Variants in SYNE2 observed in about 807,000 individuals in gnomAD.
The protein encoded by SYNE2 is nesprin-2.
Under a neutral mutation model 856.3 loss-of-function variants are expected in SYNE2, and 431 were observed. The ratio of observed to expected loss-of-function variants is 0.50; its 90% CI spans 0.47 to 0.55. The LOEUF (loss-of-function observed/expected upper bound fraction) is 0.55. Ranked by LOEUF, SYNE2 falls within the 20% of genes least tolerant of loss-of-function variation. The pLI is 0.00. For synonymous variants in SYNE2, 2,923 were observed against 2,872.3 expected (o/e 1.02, Z -0.56); for missense variants, 8,129 against 8,023.2 (o/e 1.01, Z -0.50).
At position 64,208,483 on chromosome 14, in the gene SYNE2, G is replaced by A. The variant is rs185939247; in HGVS notation, c.18202-275G>A. Among the ~76,000 whole-genome samples, 30 of 152,322 alleles carry A rather than the reference G, an allele frequency of 2.0e-4. No homozygotes were observed. The Middle Eastern group carries it at 0.01, about 52-fold the overall frequency. Reference sequence around the variant, plus strand: ...CAGTAATGGCGCCACCTGTCAGTGCGTAGAGGACACCCATCACCGTGGCAC... The same window carrying A: ...CAGTAATGGCGCCACCTGTCAGTGCATAGAGGACACCCATCACCGTGGCAC... On this transcript the variant is annotated intron_variant, in intron 100 of 115. Coordinates refer to ENST00000555002, the MANE Select transcript of SYNE2 (RefSeq NM_182914.3).
rs184012732 is a variant in SYNE2 at position 63,823,737 on chromosome 14, G to T, written c.-304-28764G>T. Reference sequence around the variant, plus strand: ...TGCAGCCTCAACATACCAGACTCAAGCAATCGTCCCACCTCAGCCTTCCCA... The same window carrying T: ...TGCAGCCTCAACATACCAGACTCAATCAATCGTCCCACCTCAGCCTTCCCA... On this transcript the variant is annotated intron_variant, in intron 1 of 23. Transcript: ENST00000674003. Among the ~76,000 whole-genome samples, 3 of 151,480 alleles carry T rather than the reference G, an allele frequency of 2.0e-5. No homozygotes were observed. In the East Asian group the frequency reaches 5.9e-4, roughly 30 times the overall value.
chr14:64,186,586 C>G lies in SYNE2; in HGVS notation c.17712+7C>G. 6.2e-7 allele frequency: 1 copy of G among 1,614,102 alleles called. No homozygotes were observed. The highest frequency in any genetic ancestry group is 8.5e-7 in the Non-Finnish European group (1 of 1,180,004). On this transcript the variant is annotated splice_region_variant and intron_variant, in intron 97 of 115. Transcript: ENST00000555002. ...GGAGGACCTCTGCTTAAGGGTAAGT[C>G]AGCTCACTGCAGGGCACGGCTGTTT...
At chr14:63,966,825 G>C (rs916101817) in intron 10 of SYNE2, among the ~76,000 whole-genome samples, 2 of 152,088 alleles carry the variant, frequency 1.3e-5, no homozygotes, top group Non-Finnish European at 2.9e-5. Context: ...CTCCCAAATT[G>C]CTAGGATTAC....
At position 64,022,808 on chromosome 14, in the gene SYNE2, G is replaced by A; in HGVS notation, c.5582G>A (p.Cys1861Tyr). 1 of 1,612,316 alleles carries A rather than the reference G, an allele frequency of 6.2e-7. No individual in the cohort carries two copies. Residue 1861 changes from cysteine to tyrosine, a missense_variant, in exon 38 of 116, where the codon TGT (cysteine) becomes TAT (tyrosine). By Grantham distance (194) the Cys-to-Tyr change is radical (BLOSUM62 -2). This residue lies in a region of SYNE2 where 2,422 missense variants were observed against 2,357.4 expected (regional missense o/e 1.03). Transcript: ENST00000555002. Reference protein sequence around the residue: ...FSNIKVNLKECFESSETKKSV... With the variant: ...FSNIKVNLKEYFESSETKKSV... ...AACATTAAAGTGAACCTTAAGGAGT[G>A]TTTTGAATCATCAGAAACAAAAAAG...
At chr14:63,942,331 C>G (rs1362003299) in intron 6 of SYNE2, among the ~76,000 whole-genome samples, 188 bp downstream of exon 6, 2 of 151,992 alleles carry the variant, frequency 1.3e-5, no homozygotes, top group East Asian at 1.9e-4. Flanking sequence ...TTTTTCTCTT[C>G]TTTTTGAGAT....
At chr14:63,815,265 T>G in intron 1 of SYNE2, among the ~76,000 whole-genome samples, 1 of 128,216 alleles carries the variant, frequency 7.8e-6, no homozygotes, top group African/African-American at 2.8e-5. Context: ...TATAAGGGAG[T>G]TTATTAAGGT....
At chr14:64,194,330 T>C (rs1335912448) in intron 99 of SYNE2, among the ~76,000 whole-genome samples, 1 of 151,924 alleles carries the variant, frequency 6.6e-6, no homozygotes, top group Admixed American at 6.6e-5. Context: ...TCTGGCTGTA[T>C]GGCCCAGGCT....
intron 1 of SYNE2, among the ~76,000 whole-genome samples, chr14:63,838,189 G>T (rs977898036): frequency 6.6e-6 from 1 of 152,050 alleles, no homozygotes; most frequent in African/African-American, 2.4e-5. Context: ...GGTGAACATG[G>T]GGAAACCTGT....
Position 64,145,873 on chromosome 14 carries a change from A to T in SYNE2, c.15484-195A>T, listed in dbSNP as rs17101696. Among the ~76,000 whole-genome samples, 2,776 of 152,232 alleles carry T rather than the reference A, an allele frequency of 0.018. 87 individuals carry two copies. Among genetic ancestry groups the T allele is most frequent in the African/African-American group, 0.064 (2,639 of 41,526 alleles). On this transcript the variant is annotated intron_variant, in intron 83 of 115. Coordinates refer to ENST00000555002, the MANE Select transcript of SYNE2 (RefSeq NM_182914.3). ...GATTAGCTTTCACCTTAAATATGAT[A>T]TTTTTTTCCTAAGAGGAGCTTTAAC...
intron 1 of SYNE2, among the ~76,000 whole-genome samples, chr14:63,889,629 A>G (rs1326822233): frequency 3.3e-5 from 5 of 151,866 alleles, no homozygotes; most frequent in African/African-American, 9.7e-5. Context: ...GATGCAGGCC[A>G]TGACACCAGG....
chr14:64,106,991 T>C (rs1162677888), intron 64 of SYNE2, among the ~76,000 whole-genome samples: 2 of 152,190 alleles, frequency 1.3e-5, no homozygotes, highest in Non-Finnish European at 2.9e-5. Context: ...TCCCCACTCT[T>C]TGAAATGTGG....
intron 1 of SYNE2, among the ~76,000 whole-genome samples, chr14:63,904,670 T>C (rs1432903566): frequency 6.6e-6 from 1 of 152,164 alleles, no homozygotes; most frequent in African/African-American, 2.4e-5. Context: ...GGGTTGTCTT[T>C]TGCTTGTTGA....
chr14:64,171,883 C>T (rs150052997), intron 94 of SYNE2, among the ~76,000 whole-genome samples: 8 of 152,320 alleles, frequency 5.3e-5, no homozygotes, highest in African/African-American at 1.7e-4. Flanking sequence ...CGGAGTCTCA[C>T]TCTGTCGCCC....
At chr14:63,984,214 A>C (rs761858986) in intron 18 of SYNE2, among the ~76,000 whole-genome samples, 2 of 152,214 alleles carry the variant, frequency 1.3e-5, no homozygotes, top group Non-Finnish European at 2.9e-5. Flanking sequence ...ACTGCACTCC[A>C]GCCTGGGTGA....
intron 96 of SYNE2, among the ~76,000 whole-genome samples, chr14:64,180,033 G>A (rs1479481831): frequency 6.6e-6 from 1 of 152,066 alleles, no homozygotes; most frequent in Non-Finnish European, 1.5e-5. Context: ...TTTATTCATT[G>A]AGGAATTGAT....
rs139006816 is a variant in SYNE2 at position 64,141,962 on chromosome 14, G to A, written c.15180G>A (p.Pro5060=). 295 of 1,613,892 alleles carry A rather than the reference G, an allele frequency of 1.8e-4. 3 individuals carry two copies. Among genetic ancestry groups the A allele is most frequent in the Admixed American group, 1.8e-4 (11 of 59,986 alleles). ...TACAGCTTCAAATGGAGAAATTGCC[G>A]TCTCGTAAAGCAATCACAGAAATGA... The part of the protein sequence containing the change: ...KLHQLQMEKL[P]SRKAITEMIS... Residue 5060 remains proline (P), a synonymous_variant, in exon 82 of 116, where the codon CCG becomes CCA. Transcript: ENST00000555002.
chr14:63,974,565 A>G (rs1233507476), intron 11 of SYNE2, among the ~76,000 whole-genome samples: 1 of 151,732 alleles, frequency 6.6e-6, no homozygotes. Context: ...AAAAAGTCAC[A>G]TTCTTTTTTT....
chr14:63,999,034 T>C lies in SYNE2; in HGVS notation c.3474T>C (p.Asp1158=), dbSNP rs886042177. The C allele has an allele frequency of 6.2e-7, 1 of 1,613,764 alleles. No homozygotes were observed. The highest frequency in any genetic ancestry group is 8.5e-7 in the Non-Finnish European group (1 of 1,179,698). ...CTTGTCTGCAGGCTAAACTGACAGATCTACAGGTAATTACCAAAAATATTA... is the reference window on the plus strand; with the variant it reads ...CTTGTCTGCAGGCTAAACTGACAGACCTACAGGTAATTACCAAAAATATTA... ...SSSCLQAKLT[D]LQVIKNETDA... Residue 1158 remains aspartate (D), a synonymous_variant, in exon 27 of 116, where the codon GAT becomes GAC. Coordinates refer to ENST00000555002, the MANE Select transcript of SYNE2 (RefSeq NM_182914.3).
Sources: gnomAD v4.1 joint callset for allele counts (sites outside exome capture counted in the v4.1 genomes callset) on GRCh38, gnomAD v4.1.1 for gene constraint, gnomAD v4.1.1 regional missense constraint, MANE v1.5 for transcripts, NCBI Gene and HGNC (gene_info 2026-07-23, HGNC 2026-07-21) for gene names.